The following ELOVL5 variants were observed in gnomAD, a reference collection of about 807,000 sequenced individuals.
ELOVL5 encodes very long chain fatty acid elongase 5.
ELOVL5 carries 8 observed loss-of-function variants against 38.6 expected under a neutral mutation model. The observed-to-expected ratio is 0.21, with a 90% CI of 0.12 to 0.37. The LOEUF (loss-of-function observed/expected upper bound fraction) is 0.37. Ranked by LOEUF, ELOVL5 falls within the 10% of genes least tolerant of loss-of-function variation. The pLI is 1.00. For missense variants in ELOVL5, 280 were observed against 367.8 expected, an observed-to-expected ratio of 0.76 and a Z score of 1.95; for synonymous variants, 127 against 133.7, an observed-to-expected ratio of 0.95 and a Z score of 0.34.
Position 53,270,659 on chromosome 6 carries a change from A to G in ELOVL5, c.690T>C (p.Gly230=). 2 of 1,614,132 alleles carry G rather than the reference A, an allele frequency of 1.2e-6. No individual in the cohort carries two copies. Among genetic ancestry groups the G allele is most frequent in the Non-Finnish European group, 1.7e-6 (2 of 1,179,994 alleles). ...GVIWPCTFPL[G]WLYFQIGYMI... ...TGTATCCAATCTGGAAATACAACCAACCAAGAGGGAATGTGCACGGCCAGA... is the reference window on the plus strand; with the variant it reads ...TGTATCCAATCTGGAAATACAACCAGCCAAGAGGGAATGTGCACGGCCAGA... The change falls in exon 7 of 8, where the codon GGT becomes GGC. Residue 230 remains glycine (G), a synonymous_variant. Coordinates refer to ENST00000304434, the MANE Select transcript of ELOVL5 (RefSeq NM_021814.5).
intron 1 of ELOVL5, among the ~76,000 whole-genome samples, chr6:53,343,882 G>A (rs209519): frequency 0.4 from 60,145 of 152,134 alleles, 14,148 homozygotes; most frequent in East Asian, 0.58. Flanking sequence ...CCAGCTGGTG[G>A]AAGAAGCCCA....
At chr6:53,307,950 C>T (rs562680630) in intron 1 of ELOVL5, among the ~76,000 whole-genome samples, 1 of 152,296 alleles carries the variant, frequency 6.6e-6, no homozygotes, top group Non-Finnish European at 1.5e-5. Flanking sequence ...ACCACATCTC[C>T]AACTCTATTG....
At chr6:53,336,303 G>A (rs1367880037) in intron 1 of ELOVL5, among the ~76,000 whole-genome samples, 2 of 152,130 alleles carry the variant, frequency 1.3e-5, no homozygotes, top group African/African-American at 2.4e-5. Context: ...GATAAGCTCT[G>A]TCCGACATGT....
intron 1 of ELOVL5, among the ~76,000 whole-genome samples, chr6:53,309,779 G>T (rs1190028115): frequency 6.6e-6 from 1 of 152,158 alleles, no homozygotes; most frequent in Non-Finnish European, 1.5e-5. Flanking sequence ...ACAGTCCTAG[G>T]GAGAGGACAA....
In ELOVL5 at chr6:53,291,979, AAATT is replaced by A; in HGVS notation, c.59-20_59-17del. 7.0e-7 allele frequency: 1 copy of A among 1,436,678 alleles called. No individual in the cohort carries two copies. The highest frequency in any genetic ancestry group is 1.4e-5 in the South Asian group (1 of 70,836). 89.0% of individuals were successfully genotyped at this position (1,436,678 alleles called of 1,614,324 possible). Reference sequence around the variant, plus strand: ...ACTCTAGTATCTGAAAAATTAAAAAAAATTAATGATATATAAAAACATTCACAAC... The same window carrying A: ...ACTCTAGTATCTGAAAAATTAAAAAAAATGATATATAAAAACATTCACAAC... On this transcript the variant is annotated splice_polypyrimidine_tract_variant and intron_variant, in intron 2 of 7. Coordinates refer to ENST00000304434, the MANE Select transcript of ELOVL5 (RefSeq NM_021814.5).
chr6:53,275,920 A>C (rs919246141), intron 4 of ELOVL5, among the ~76,000 whole-genome samples: 1 of 152,256 alleles, frequency 6.6e-6, no homozygotes, highest in African/African-American at 2.4e-5. Flanking sequence ...GTGTAAATAT[A>C]ACATACTGAC....
intron 1 of ELOVL5, among the ~76,000 whole-genome samples, chr6:53,296,802 G>A (rs1273097264): frequency 6.6e-6 from 1 of 152,068 alleles, no homozygotes; most frequent in Non-Finnish European, 1.5e-5. Context: ...CTTCTTACAG[G>A]AATAATCATC....
intron 1 of ELOVL5, among the ~76,000 whole-genome samples, chr6:53,317,987 C>A (rs1768129639): frequency 1.3e-5 from 2 of 152,032 alleles, no homozygotes; most frequent in Admixed American, 1.3e-4. Flanking sequence ...ATGTGCCAGT[C>A]TTTCTGCTGT....
chr6:53,288,372 T>C (rs1028718517), intron 3 of ELOVL5, among the ~76,000 whole-genome samples: 3 of 152,218 alleles, frequency 2.0e-5, no homozygotes, highest in African/African-American at 7.2e-5. Flanking sequence ...GCAAACTAAG[T>C]TGTTTCTCTT....
intron 1 of ELOVL5, among the ~76,000 whole-genome samples, chr6:53,297,943 C>A (rs1767080322): frequency 6.6e-6 from 1 of 152,132 alleles, no homozygotes; most frequent in African/African-American, 2.4e-5. Context: ...GAGAATTCCT[C>A]TTTAAAACAC....
chr6:53,313,985 G>A (rs887803431), intron 1 of ELOVL5, among the ~76,000 whole-genome samples: 6 of 152,206 alleles, frequency 3.9e-5, no homozygotes, highest in African/African-American at 1.4e-4. Context: ...CTGAGGTGAC[G>A]TCTTCTGTAA....
At chr6:53,334,166 A>G (rs1768937396) in intron 1 of ELOVL5, among the ~76,000 whole-genome samples, 1 of 152,174 alleles carries the variant, frequency 6.6e-6, no homozygotes, top group African/African-American at 2.4e-5. Context: ...ACATTTTAAA[A>G]ACAGAATTTA....
chr6:53,270,409 AT>A (rs1393702103), intron 7 of ELOVL5, among the ~76,000 whole-genome samples, 183 bp downstream of exon 7: 1 of 152,152 alleles, frequency 6.6e-6, no homozygotes, highest in African/African-American at 2.4e-5. Context: ...CTAGAACAGG[AT>A]TCTAGTGTCT....
chr6:53,348,462 C>G (rs976358661), intron 1 of ELOVL5, among the ~76,000 whole-genome samples: 13 of 152,086 alleles, frequency 8.5e-5, no homozygotes, highest in African/African-American at 2.9e-4. Context: ...CAGATCCATC[C>G]CTCCGCGTCT....
chr6:53,309,779 G>A (rs1190028115), intron 1 of ELOVL5, among the ~76,000 whole-genome samples: 1 of 152,158 alleles, frequency 6.6e-6, no homozygotes, highest in African/African-American at 2.4e-5. Flanking sequence ...ACAGTCCTAG[G>A]GAGAGGACAA....
In ELOVL5 at chr6:53,273,354, CAG is replaced by C. The variant is rs767275810; in HGVS notation, c.497-12_497-11del. 1 of 1,610,254 alleles carries C rather than the reference CAG, an allele frequency of 6.2e-7. No individual in the cohort carries two copies. The highest frequency in any genetic ancestry group is 2.2e-5 in the East Asian group (1 of 44,726). On this transcript the variant is annotated splice_polypyrimidine_tract_variant and intron_variant, in intron 5 of 7. Coordinates refer to ENST00000304434, the MANE Select transcript of ELOVL5 (RefSeq NM_021814.5). ...GTGGCACCAAAATAAGCTGCAGGAA[CAG>C]AGGGATTTGGGAAGGAGAATGTATT...
chr6:53,273,187 G>A (rs756416091), intron 6 of ELOVL5, 33 bp downstream of exon 6: 1 of 1,611,554 alleles, frequency 6.2e-7, no homozygotes, highest in Non-Finnish European at 8.5e-7. Context: ...CCACCAGGAA[G>A]TAAGTCCTGG....
At position 53,291,804 on chromosome 6, in the gene ELOVL5, G is replaced by C; in HGVS notation, c.218C>G (p.Thr73Arg). The C allele has an allele frequency of 6.2e-7, 1 of 1,612,850 alleles. No homozygotes were observed. The highest frequency in any genetic ancestry group is 8.5e-7 in the Non-Finnish European group (1 of 1,179,570). ...ACAGAACATATACAGAGACAGCAGT[G>C]TGAGTCCAAGGTTATACACCACTAA... ...GILVVYNLGLTLLSLYMFCEL... is the reference protein window; with the variant it reads ...GILVVYNLGLRLLSLYMFCEL... Residue 73 changes from threonine (T) to arginine (R), a missense_variant, in exon 3 of 8, where the codon ACA (threonine) becomes AGA (arginine). Coordinates refer to ENST00000304434, the MANE Select transcript of ELOVL5 (RefSeq NM_021814.5).
In ELOVL5 at chr6:53,283,695, C is replaced by T. The variant is rs530500879; in HGVS notation, c.247-7439G>A. Among the ~76,000 whole-genome samples, 14 of 152,150 alleles carry T rather than the reference C, an allele frequency of 9.2e-5. No individual in the cohort carries two copies. The East Asian group carries it at 2.1e-3, about 23-fold the overall frequency. ...GGAAGTAGGAGTGAATGGAAGAATG[C>T]AAAATTTTCAAAGTGCCTAGAAAGA... On this transcript the variant is annotated intron_variant, in intron 3 of 7. Coordinates refer to ENST00000304434, the MANE Select transcript of ELOVL5 (RefSeq NM_021814.5).
Sources: gnomAD v4.1 joint callset for allele counts (sites outside exome capture counted in the v4.1 genomes callset) on GRCh38, gnomAD v4.1.1 for gene constraint, MANE v1.5 for transcripts, NCBI Gene and HGNC (gene_info 2026-07-23, HGNC 2026-07-21) for gene names.